The following KIF3C variants were observed in gnomAD, a reference collection of about 807,000 sequenced individuals.
The protein encoded by KIF3C is kinesin family member 3C.
KIF3C carries 12 observed loss-of-function variants against 67.7 expected under a neutral mutation model. The observed-to-expected ratio is 0.18, with a 90% CI of 0.11 to 0.29. KIF3C has a LOEUF of 0.29. KIF3C is among the 10% of genes least tolerant of loss of function. The pLI, the probability that KIF3C is intolerant of heterozygous loss-of-function variation, is 1.00. For synonymous variants in KIF3C, 393 were observed against 426.2 expected (o/e 0.92, Z 0.96); for missense variants, 789 against 1,059.6 (o/e 0.74, Z 3.55).
intron 1 of KIF3C, among the ~76,000 whole-genome samples, chr2:25,961,507 A>G (rs1663941132): frequency 6.6e-6 from 1 of 152,232 alleles, no homozygotes; most frequent in Admixed American, 6.5e-5. Context: ...GGGAAAAGGA[A>G]TCCTAACTCT....
In KIF3C at chr2:25,958,798, G is replaced by C. The variant is rs571597876; in HGVS notation, c.1546-2354C>G. 2.0e-5 allele frequency among the ~76,000 whole-genome samples: 3 copies of C among 152,078 alleles called. No homozygotes were observed. Among genetic ancestry groups the C allele is most frequent in the East Asian group, 1.9e-4 (1 of 5,168 alleles). On this transcript the variant is annotated intron_variant, in intron 1 of 7. Transcript: ENST00000264712. This position sits in a 1 kb window ranked among gnomAD's most constrained non-coding sequence, Gnocchi z 4.5. ...GAGAATTCCAGCTCCCTGGGGGCCC[G>C]GTGCGGTGGCTAGCGCCTGTAATCC...
chr2:25,963,491 C>T (rs1664060677), intron 1 of KIF3C, among the ~76,000 whole-genome samples: 1 of 150,498 alleles, frequency 6.6e-6, no homozygotes, highest in African/African-American at 2.4e-5. Flanking sequence ...CCACTCCCAG[C>T]CTAATTTTTT....
intron 5 of KIF3C, among the ~76,000 whole-genome samples, chr2:25,932,571 GC>G (rs958830147): frequency 1.3e-5 from 2 of 151,310 alleles, no homozygotes; most frequent in Admixed American, 1.3e-4. Flanking sequence ...GGTGGCTCAT[GC>G]CTGTAATCCC....
At chr2:25,949,913 G>A (rs936231886) in intron 5 of KIF3C, among the ~76,000 whole-genome samples, 1 of 151,630 alleles carries the variant, frequency 6.6e-6, no homozygotes, top group Admixed American at 6.6e-5. Context: ...GGAGGTTGCA[G>A]TGAGCCAAGA....
intron 1 of KIF3C, among the ~76,000 whole-genome samples, chr2:25,971,367 G>A (rs1311229575): frequency 6.6e-6 from 1 of 151,606 alleles, no homozygotes; most frequent in Non-Finnish European, 1.5e-5. Context: ...TTGAACCCGG[G>A]AGGCAGAGCT....
At chr2:25,938,423 G>A (rs185635246) in intron 5 of KIF3C, 28 of 366,092 alleles carry the variant, frequency 7.6e-5, no homozygotes, top group Middle Eastern at 7.7e-4. Context: ...ATGCCACAGG[G>A]TGGGGGTTCC....
intron 1 of KIF3C, among the ~76,000 whole-genome samples, chr2:25,971,097 C>T (rs1453540041): frequency 1.3e-5 from 2 of 151,894 alleles, no homozygotes; most frequent in Admixed American, 1.3e-4. Context: ...ATGGTGAAAC[C>T]CCGTCTTTAC....
rs574608479 is a variant in KIF3C, at chr2:25,952,927, A to AC, written c.1890-1023dup. Among the ~76,000 whole-genome samples, 1,295 of 152,242 alleles carry AC rather than the reference A, an allele frequency of 8.5e-3. 5 individuals are homozygous for AC. The highest frequency in any genetic ancestry group is 0.012 in the Non-Finnish European group (836 of 68,010). ...AGGATAAATGTTTGAGGGGATGGAT[A>AC]CCCCATTCTCCATGATGTGCTTAGT... On this transcript the variant is annotated intron_variant, in intron 4 of 7. Transcript: ENST00000264712.
Position 25,963,196 on chromosome 2 carries a change from A to AT in KIF3C, c.1546-6753dup, listed in dbSNP as rs1165957083. ...TGTGTATATATATATATATATATATATTTTTTTTTTTTTTTTTTTTTTTTT... is the reference window on the plus strand; with the variant it reads ...TGTGTATATATATATATATATATATATTTTTTTTTTTTTTTTTTTTTTTTTT... On this transcript the variant is annotated intron_variant, in intron 1 of 7. Coordinates refer to ENST00000264712, the MANE Select transcript of KIF3C (RefSeq NM_002254.8). Among the ~76,000 whole-genome samples the AT allele has an allele frequency of 9.0e-3, 391 of 43,326 alleles. 62 individuals carry two copies. The highest frequency in any genetic ancestry group is 0.011 in the Non-Finnish European group (301 of 27,534). The allele number at this position is 43,326 out of a possible 152,430, so 28.4% of individuals were successfully genotyped here.
At chr2:25,932,598 C>T (rs1008019900) in intron 5 of KIF3C, among the ~76,000 whole-genome samples, 11 of 149,396 alleles carry the variant, frequency 7.4e-5, no homozygotes, top group Non-Finnish European at 1.3e-4. Context: ...TTTGGGAGGC[C>T]GAGGCAGGCG....
chr2:25,976,535 G>GCAAATCA (rs1257420013), intron 1 of KIF3C, among the ~76,000 whole-genome samples: 1 of 152,152 alleles, frequency 6.6e-6, no homozygotes, highest in Non-Finnish European at 1.5e-5. Flanking sequence ...GCTGAGGTGG[G>GCAAATCA]CAAATCACAA....
At chr2:25,941,723 T>C (rs1663287138) in intron 5 of KIF3C, among the ~76,000 whole-genome samples, 1 of 151,948 alleles carries the variant, frequency 6.6e-6, no homozygotes, top group Non-Finnish European at 1.5e-5. Flanking sequence ...TGAGACCTCA[T>C]CTCTAAAATA....
Position 25,978,601 on chromosome 2 carries a change from T to C in KIF3C, c.1545+1772A>G, listed in dbSNP as rs535487473. ...CTGATCTCTTGGCCGTTCTATCATC[T>C]GTGCCCCATACTGCCTTAGATCCAA... On this transcript the variant is annotated intron_variant, in intron 1 of 7. Coordinates refer to ENST00000264712, the MANE Select transcript of KIF3C (RefSeq NM_002254.8). Among the ~76,000 whole-genome samples the C allele has an allele frequency of 1.4e-3, 214 of 152,264 alleles. 6 individuals are homozygous for C. The highest frequency in any genetic ancestry group is 1.8e-4 in the Non-Finnish European group (12 of 68,016).
At chr2:25,966,397 C>G (rs181944737) in intron 1 of KIF3C, among the ~76,000 whole-genome samples, 13 of 152,324 alleles carry the variant, frequency 8.5e-5, no homozygotes, top group Non-Finnish European at 1.9e-4. Context: ...TGAGCCACCA[C>G]GCCCCACCTG....
intron 5 of KIF3C, among the ~76,000 whole-genome samples, chr2:25,940,949 G>A (rs1047968312): frequency 3.3e-5 from 5 of 151,764 alleles, no homozygotes; most frequent in East Asian, 2.0e-4. Flanking sequence ...CACCACACCC[G>A]GCCAAATTCA....
rs1186222505 is a variant in KIF3C at position 25,981,205 on chromosome 2, C to A, written c.713G>T (p.Arg238Leu). The change falls in exon 1 of 8, where the codon CGA becomes CTA. Residue 238 changes from arginine (R) to leucine (L), a missense_variant. Coordinates refer to ENST00000264712, the MANE Select transcript of KIF3C (RefSeq NM_002254.8). This position sits in a 1 kb window ranked among gnomAD's most constrained non-coding sequence, Gnocchi z 8.2. ...GTCCACGAGGTTGAGCTTGCCCACT[C>A]GGATGTGGTCCTGGCCATCAGAGCC... ...ERGSDGQDHI[R>L]VGKLNLVDLA... 14 of 1,613,932 alleles carry A rather than the reference C, an allele frequency of 8.7e-6. No homozygotes were observed. The highest frequency in any genetic ancestry group is 1.3e-5 in the African/African-American group (1 of 74,910).
At chr2:25,944,002 A>G (rs1663361366) in intron 5 of KIF3C, among the ~76,000 whole-genome samples, 3 of 152,196 alleles carry the variant, frequency 2.0e-5, no homozygotes. Context: ...AAAAAATGAA[A>G]AAGAAAAAGA....
chr2:25,948,101 T>C (rs1440418637), intron 5 of KIF3C, among the ~76,000 whole-genome samples: 1 of 152,130 alleles, frequency 6.6e-6, no homozygotes, highest in Non-Finnish European at 1.5e-5. Context: ...GACTGCCTGC[T>C]GGTTCAAGCT....
In KIF3C at chr2:25,928,794, C is replaced by T. The variant is rs2090432415; in HGVS notation, c.*184G>A. ...CGAACAGAGCTCCGCGAATAAATAA[C>T]ATGAATTAAATAAAGGAGGCGAAGA... is the stretch of plus-strand genomic sequence containing the variant. On this transcript the variant is annotated 3_prime_UTR_variant, in exon 8 of 8. Transcript: ENST00000264712. The T allele has an allele frequency of 1.7e-6, 1 of 571,526 alleles. No individual in the cohort carries two copies. The highest frequency in any genetic ancestry group is 3.0e-5 in the East Asian group (1 of 33,616). The allele number at this position is 571,526 out of a possible 1,614,324, so 35.4% of individuals were successfully genotyped here. A position where few individuals can be genotyped will look rare whatever the true frequency, so the allele number is the denominator to read the frequency against.
Sources: allele counts gnomAD v4.1 joint callset (sites outside exome capture counted in the v4.1 genomes callset), GRCh38; gene constraint gnomAD v4.1.1; non-coding constraint Gnocchi (gnomAD v3.1); transcripts MANE v1.5; gene names NCBI Gene and HGNC (gene_info 2026-07-23, HGNC 2026-07-21).